KMT2D: variants seen among roughly 807,000 people sequenced by gnomAD.
KMT2D encodes lysine methyltransferase 2D, also known as histone-lysine N-methyltransferase 2D.
In KMT2D, 55 loss-of-function variants were observed where a neutral mutation model predicts 512.7. That is an observed-to-expected ratio of 0.11 (90% confidence interval 0.09 to 0.13). The LOEUF (loss-of-function observed/expected upper bound fraction) is 0.13, where lower values mean the gene tolerates loss of function less well. KMT2D is among the 10% of genes least tolerant of loss of function. The pLI, the probability that KMT2D is intolerant of heterozygous loss-of-function variation, is 1.00. For synonymous variants in KMT2D, 2,995 were observed against 2,904.0 expected (o/e 1.03, Z -1.01); for missense variants, 6,061 against 7,127.9 (o/e 0.85, Z 5.39).
At position 49,034,494 on chromosome 12, in the gene KMT2D, G is replaced by C. The variant is rs375944063; in HGVS notation, c.10441-18C>G. On this transcript the variant is annotated intron_variant, in intron 37 of 54. Transcript: ENST00000301067. ...CTCCGCTCCTGCAATGAGAGAGGCT[G>C]CTAAAGGGTCATTGTTCCCTGCTAG... is the stretch of plus-strand genomic sequence containing the variant. 1 of 1,613,280 alleles carries C rather than the reference G, an allele frequency of 6.2e-7. No individual in the cohort carries two copies.
Position 49,038,714 on chromosome 12 carries a change from C to T in KMT2D, c.8642G>A (p.Arg2881Gln), listed in dbSNP as rs775911186. The T allele has an allele frequency of 2.5e-6, 4 of 1,610,070 alleles. No homozygotes were observed. The highest frequency in any genetic ancestry group is 2.2e-5 in the East Asian group (1 of 44,758). Residue 2881 changes from arginine to glutamine, a missense_variant, in exon 35 of 55, where the codon CGG becomes CAG. Physicochemically the swap from Arg to Gln is conservative, Grantham distance 43. Around this residue, in one of 16 missense-constraint regions of KMT2D, gnomAD observed 527 missense variants for 578.9 expected, o/e 0.91. Coordinates refer to ENST00000301067, the MANE Select transcript of KMT2D (RefSeq NM_003482.4). This position sits in a 1 kb window ranked among gnomAD's most constrained non-coding sequence, Gnocchi z 5.7. ...TCCCAGTCCTTTCTGTACATTGTGC[C>T]GCAGCTCAATGAACTGGGCAGGACC... ...PAGPAQFIEL[R>Q]HNVQKGLGPG...
Position 49,035,312 on chromosome 12 carries a change from T to C in KMT2D, c.10232-377A>G, listed in dbSNP as rs151189645. ...ACACTTTATGACTCGGAAAGCATTC[T>C]TCAAAGGTAATGTTCTTAGTCCAAC... On this transcript the variant is annotated intron_variant, in intron 35 of 54. Transcript: ENST00000301067. 2.9e-3 allele frequency among the ~76,000 whole-genome samples: 448 copies of C among 152,328 alleles called. 1 individual carries two copies. The highest frequency in any genetic ancestry group is 0.01 in the African/African-American group (421 of 41,570).
Position 49,053,509 on chromosome 12 carries a change from T to C in KMT2D, c.806A>G (p.Gln269Arg). ...ALTARKRAGW[Q>R]CPECKVCQAC... ...TTGGCACACTTTGCATTCAGGGCACTGCCAGCCAGCACGTTTGCGGGCAGT... is the reference window on the plus strand; with the variant it reads ...TTGGCACACTTTGCATTCAGGGCACCGCCAGCCAGCACGTTTGCGGGCAGT... The change falls in exon 7 of 55, where the codon CAG becomes CGG. Residue 269 changes from glutamine (Q) to arginine (R), a missense_variant. Physicochemically the swap from Gln to Arg is conservative, Grantham distance 43. This residue lies in a region of KMT2D where 160 missense variants were observed against 225.8 expected (regional missense o/e 0.71). Coordinates refer to ENST00000301067, the MANE Select transcript of KMT2D (RefSeq NM_003482.4). 6.2e-7 allele frequency: 1 copy of C among 1,608,974 alleles called. No individual in the cohort carries two copies.
rs1362853155 is a variant in KMT2D, at chr12:49,038,368, A to C, written c.8988T>G (p.Asp2996Glu). ...CCTCTAGGGCCTTGTGGGCATCAAAATCGTCATCCAGCTCGGGATCCTCAC... is the reference window on the plus strand; with the variant it reads ...CCTCTAGGGCCTTGTGGGCATCAAACTCGTCATCCAGCTCGGGATCCTCAC... ...LPCEDPELDD[D>E]FDAHKALEDD... Residue 2996 changes from aspartate to glutamate, a missense_variant, in exon 35 of 55, where the codon GAT (aspartate) becomes GAG (glutamate). By Grantham distance (45) the Asp-to-Glu change is conservative. This residue lies in a region of KMT2D where 527 missense variants were observed against 578.9 expected (regional missense o/e 0.91). Coordinates refer to ENST00000301067, the MANE Select transcript of KMT2D (RefSeq NM_003482.4). The surrounding 1 kb of genome is among the most constrained non-coding windows in gnomAD (Gnocchi z 5.7). The C allele has an allele frequency of 6.2e-7, 1 of 1,613,784 alleles. No individual in the cohort carries two copies. Among genetic ancestry groups the C allele is most frequent in the Non-Finnish European group, 8.5e-7 (1 of 1,179,866 alleles).
rs527423541 is a variant in KMT2D, at chr12:49,025,627, G to A, written c.15784+555C>T. 4.6e-5 allele frequency among the ~76,000 whole-genome samples: 7 copies of A among 152,272 alleles called. No individual in the cohort carries two copies. The South Asian group carries it at 1.5e-3, about 32-fold the overall frequency. On this transcript the variant is annotated intron_variant, in intron 49 of 54. Coordinates refer to ENST00000301067, the MANE Select transcript of KMT2D (RefSeq NM_003482.4). ...GTATCCCTGTCATTTAGCAATGCAC[G>A]ACTGTACTGAAATCTGAGACTCAGT...
chr12:49,047,157 G>A (rs1301462239), intron 15 of KMT2D, among the ~76,000 whole-genome samples: 2 of 151,658 alleles, frequency 1.3e-5, no homozygotes, highest in African/African-American at 2.4e-5. Context: ...AGCCTAGGAG[G>A]TGGAACTTCT....
rs1247345550 is a variant in KMT2D, at chr12:49,032,779, CCAT to C, written c.11923_11925del (p.Met3975del). The C allele has an allele frequency of 1.3e-6, 2 of 1,558,310 alleles. No individual in the cohort carries two copies. The highest frequency in any genetic ancestry group is 2.4e-5 in the South Asian group (2 of 84,800). ...AAAGTTCGACTCTGGTTTAAAAGGC[CCAT>C]CTGCTGCTGTTGCTGCTGCTGTTGA... On this transcript the variant is annotated inframe_deletion, in exon 40 of 55. Coordinates refer to ENST00000301067, the MANE Select transcript of KMT2D (RefSeq NM_003482.4).
In KMT2D at chr12:49,020,096, AG is replaced by A. The variant is rs1229843354; in HGVS notation, c.*1683del. 1.6e-5 allele frequency: 3 copies of A among 192,638 alleles called. No homozygotes were observed. The East Asian group carries it at 2.4e-4, about 15-fold the overall frequency. 11.9% of individuals were successfully genotyped at this position (192,638 alleles called of 1,614,324 possible). ...CCACCCCTTACCTACTCCCACCCCC[AG>A]GAAGAGGTTCAACTGCAGCACAAGC... is the stretch of plus-strand genomic sequence containing the variant. On this transcript the variant is annotated 3_prime_UTR_variant, in exon 55 of 55. Transcript: ENST00000301067.
chr12:49,030,536 T>C lies in KMT2D; in HGVS notation c.13839+65A>G, dbSNP rs1474001782. Reference sequence around the variant, plus strand: ...CTACGTCAGCAATTCCCTCAAGTTTTCTATTCCCACCCTCACCTTCCCAAG... The same window carrying C: ...CTACGTCAGCAATTCCCTCAAGTTTCCTATTCCCACCCTCACCTTCCCAAG... On this transcript the variant is annotated intron_variant, in intron 42 of 54. Transcript: ENST00000301067. 4 of 1,498,644 alleles carry C rather than the reference T, an allele frequency of 2.7e-6. No individual in the cohort carries two copies. In the South Asian group the frequency reaches 4.0e-5, roughly 15 times the overall value. 92.8% of individuals were successfully genotyped at this position (1,498,644 alleles called of 1,614,324 possible).
Position 49,044,235 on chromosome 12 carries a change from G to A in KMT2D, c.5153C>T (p.Ala1718Val), listed in dbSNP as rs111266743. 5 of 1,612,238 alleles carry A rather than the reference G, an allele frequency of 3.1e-6. No homozygotes were observed. Among genetic ancestry groups the A allele is most frequent in the Admixed American group, 1.7e-5 (1 of 60,002 alleles). ...CTGCCCATCCCCACTCAACACCTCC[G>A]CCTGTGCAGCAGGCCCCTTTTTCGT... ...TRTKKGPAAQ[A>V]EVLSGDGQPD... is the part of the protein sequence containing the mutation. The change falls in exon 22 of 55, where the codon GCG becomes GTG. Residue 1718 changes from alanine (A) to valine (V), a missense_variant. Ala to Val is a moderately conservative substitution (Grantham distance 64, BLOSUM62 0). Transcript: ENST00000301067. The surrounding 1 kb of genome is among the most constrained non-coding windows in gnomAD (Gnocchi z 6.4).
rs1255523264 is a variant in KMT2D at position 49,030,639 on chromosome 12, G to A, written c.13801C>T (p.Pro4601Ser). The A allele has an allele frequency of 6.2e-7, 1 of 1,605,338 alleles. No homozygotes were observed. The highest frequency in any genetic ancestry group is 1.1e-5 in the South Asian group (1 of 90,298). The change falls in exon 42 of 55, where the codon CCC becomes TCC. Residue 4601 changes from proline to serine, a missense_variant. This residue lies in a region of KMT2D where 1,600 missense variants were observed against 1,754.9 expected (regional missense o/e 0.91). Transcript: ENST00000301067. ...LRGAFGSGAL[P>S]TGPDYYSQLL... ...TGGGAATAGTAGTCAGGGCCAGTGG[G>A]CAGCGCCCCACTTCCAAAGGCCCCC...
In KMT2D at chr12:49,042,120, A is replaced by C. The variant is rs1224151297; in HGVS notation, c.6078T>G (p.Ile2026Met). 1 of 1,613,702 alleles carries C rather than the reference A, an allele frequency of 6.2e-7. No homozygotes were observed. The highest frequency in any genetic ancestry group is 1.1e-5 in the South Asian group (1 of 91,028). Residue 2026 changes from isoleucine (I) to methionine (M), a missense_variant, in exon 29 of 55, where the codon ATT becomes ATG. Ile to Met is a conservative substitution (Grantham distance 10). Transcript: ENST00000301067. This position sits in a 1 kb window ranked among gnomAD's most constrained non-coding sequence, Gnocchi z 4.4. ...STISPVLYAN[I>M]NFPNLKQDYP... ...AGTCTTGCTTGAGATTAGGAAAATTAATGTTGGCATAGAGCACAGGTGAGA... is the reference window on the plus strand; with the variant it reads ...AGTCTTGCTTGAGATTAGGAAAATTCATGTTGGCATAGAGCACAGGTGAGA...
At position 49,051,568 on chromosome 12, in the gene KMT2D, TGAGTCCTCAGGTGGTGGGGATGTGGGG is replaced by T. The variant is rs780334086; in HGVS notation, c.2088_2114del (p.Thr698_Pro706del). On this transcript the variant is annotated inframe_deletion, in exon 11 of 55. Transcript: ENST00000301067. ...AGTCCTCCGGTGGTGGGGAAGCAGG[TGAGTCCTCAGGTGGTGGGGATGTGGGG>T]GAGTCCTCAGGTGGTGGGGAGAGGC... The T allele has an allele frequency of 2.2e-4, 348 of 1,607,272 alleles. 2 individuals carry two copies. In the East Asian group the frequency reaches 6.3e-3, roughly 29 times the overall value.
chr12:49,051,787 G>A lies in KMT2D; in HGVS notation c.1896C>T (p.Asp632=), dbSNP rs559716109. 3 of 1,609,492 alleles carry A rather than the reference G, an allele frequency of 1.9e-6. No homozygotes were observed. In the South Asian group the frequency reaches 3.3e-5, roughly 18 times the overall value. The change falls in exon 11 of 55, where the codon GAC becomes GAT. Residue 632 remains aspartate, a synonymous_variant. Coordinates refer to ENST00000301067, the MANE Select transcript of KMT2D (RefSeq NM_003482.4). ...EASRLSPPPE[D]SPMSPPPEES... is the part of the protein sequence containing the mutation. ...CTTCAGGTGGTGGGGACATAGGCGA[G>A]TCCTCAGGTGGTGGGGACAGGCGTG...
Position 49,040,270 on chromosome 12 carries a change from C to T in KMT2D, c.7500G>A (p.Ala2500=), listed in dbSNP as rs201604988. 4.7e-5 allele frequency: 75 copies of T among 1,610,182 alleles called. No individual in the cohort carries two copies. The highest frequency in any genetic ancestry group is 2.7e-4 in the African/African-American group (20 of 74,986). Residue 2500 remains alanine, a synonymous_variant, in exon 32 of 55, where the codon GCG becomes GCA. Coordinates refer to ENST00000301067, the MANE Select transcript of KMT2D (RefSeq NM_003482.4). ...TGGCATGGAGCTCACCTGCTGGCCC[C>T]GCGGGCAGGGCTGCTGGGAACCCCC... is the stretch of plus-strand genomic sequence containing the variant. ...GAGGFPAALP[A]GPAGELHAKV...
rs2120528486 is a variant in KMT2D, at chr12:49,040,401, G to A, written c.7369C>T (p.Pro2457Ser). 6.4e-7 allele frequency: 1 copy of A among 1,564,156 alleles called. No homozygotes were observed. Among genetic ancestry groups the A allele is most frequent in the Non-Finnish European group, 8.7e-7 (1 of 1,154,186 alleles). The change falls in exon 32 of 55, where the codon CCT becomes TCT. Residue 2457 changes from proline to serine, a missense_variant. Physicochemically the swap from Pro to Ser is moderately conservative, Grantham distance 74. Around this residue, in one of 16 missense-constraint regions of KMT2D, gnomAD observed 710 missense variants for 647.3 expected, o/e 1.10. Transcript: ENST00000301067. ...PDPYSRPPSR[P>S]QSRDPFAPLH... ...GGGGCAAATGGGTCACGGGACTGAG[G>A]GCGTGAGGGTGGGCGAGAATAAGGG...
In KMT2D at chr12:49,049,679, C is replaced by G. The variant is rs2120637960; in HGVS notation, c.3906+3G>C. ...CACATCCCGCAGCTAGATAGCCCCT[C>G]ACCTGTTTGATGCGGGAACGGGCTG... On this transcript the variant is annotated splice_donor_region_variant and intron_variant, in intron 12 of 54. Coordinates refer to ENST00000301067, the MANE Select transcript of KMT2D (RefSeq NM_003482.4). 6.3e-7 allele frequency: 1 copy of G among 1,575,294 alleles called. No homozygotes were observed. Among genetic ancestry groups the G allele is most frequent in the Non-Finnish European group, 8.7e-7 (1 of 1,154,924 alleles).
At position 49,030,918 on chromosome 12, in the gene KMT2D, T is replaced by G. The variant is rs749984453; in HGVS notation, c.13646A>C (p.Glu4549Ala). The G allele has an allele frequency of 6.2e-7, 1 of 1,613,784 alleles. No homozygotes were observed. The highest frequency in any genetic ancestry group is 1.3e-5 in the African/African-American group (1 of 74,934). Residue 4549 changes from glutamate (E) to alanine (A), a missense_variant, in exon 41 of 55, where the codon GAG becomes GCG. This residue lies in a region of KMT2D where 1,600 missense variants were observed against 1,754.9 expected (regional missense o/e 0.91). Transcript: ENST00000301067. ...CTGTTTCAGCTGTTTCAGCAAGGCC[T>G]CGCTGGCCCTGACCCCGTCCTCCTT... is the stretch of plus-strand genomic sequence containing the variant. ...LRKEDGVRAS[E>A]ALLKQLKQEL...
rs587783726 is a variant in KMT2D at position 49,040,926 on chromosome 12, G to A, written c.6844C>T (p.Arg2282Trp). ...LLSPPPFGES[R>W]KALEVKKEEL... Reference sequence around the variant, plus strand: ...TCCTTCTTCACCTCTAGGGCCTTCCGGGACTCCCCAAAAGGTGGGGGCGAG... The same window carrying A: ...TCCTTCTTCACCTCTAGGGCCTTCCAGGACTCCCCAAAAGGTGGGGGCGAG... Residue 2282 changes from arginine to tryptophan, a missense_variant, in exon 32 of 55, where the codon CGG becomes TGG. Transcript: ENST00000301067. 4.3e-5 allele frequency: 69 copies of A among 1,613,616 alleles called. No homozygotes were observed. The highest frequency in any genetic ancestry group is 2.5e-4 in the South Asian group (23 of 91,086).
Sources: gnomAD v4.1 joint callset for allele counts (sites outside exome capture counted in the v4.1 genomes callset) on GRCh38, gnomAD v4.1.1 for gene constraint, gnomAD v4.1.1 regional missense constraint, Gnocchi (gnomAD v3.1) non-coding constraint, MANE v1.5 for transcripts, NCBI Gene and HGNC (gene_info 2026-07-23, HGNC 2026-07-21) for gene names.